The following CHD7 variants were observed in gnomAD, a reference collection of about 807,000 sequenced individuals.
CHD7 encodes the protein chromodomain helicase DNA binding protein 7.
CHD7 carries 24 observed loss-of-function variants against 307.3 expected under a neutral mutation model. That is an observed-to-expected ratio of 0.08 (90% confidence interval 0.06 to 0.11). The LOEUF (loss-of-function observed/expected upper bound fraction) is 0.11. CHD7 is among the 10% of genes least tolerant of loss of function. The pLI, the probability that CHD7 is intolerant of heterozygous loss-of-function variation, is 1.00. For synonymous variants in CHD7, 1,363 were observed against 1,349.9 expected, an observed-to-expected ratio of 1.01 and a Z score of -0.21; for missense variants, 3,106 against 3,727.1, an observed-to-expected ratio of 0.83 and a Z score of 4.34.
chr8:60,707,444 C>G (rs1475241786), intron 1 of CHD7, among the ~76,000 whole-genome samples: 1 of 151,408 alleles, frequency 6.6e-6, no homozygotes, highest in Non-Finnish European at 1.5e-5. Flanking sequence ...CACACGTGTT[C>G]CCTGTGAACC....
chr8:60,754,880 A>G (rs1809815579), intron 2 of CHD7, among the ~76,000 whole-genome samples: 1 of 152,216 alleles, frequency 6.6e-6, no homozygotes, highest in Non-Finnish European at 1.5e-5. Context: ...AGTTCTACAT[A>G]GAGAAAGTTC....
rs377081744 is a variant in CHD7, at chr8:60,689,952, C to T, written c.-175+10870C>T. 3.9e-5 allele frequency among the ~76,000 whole-genome samples: 6 copies of T among 152,252 alleles called. No individual in the cohort carries two copies. The South Asian group carries it at 1.0e-3, about 26-fold the overall frequency. On this transcript the variant is annotated intron_variant, in intron 1 of 37. Transcript: ENST00000423902. ...CGCTGCACAGGACTAGAGTTGCCTTCGAAAAAACTCAGGATACCACTTGGC... is the reference window on the plus strand; with the variant it reads ...CGCTGCACAGGACTAGAGTTGCCTTTGAAAAAACTCAGGATACCACTTGGC...
intron 7 of CHD7, among the ~76,000 whole-genome samples, chr8:60,809,103 C>A (rs1343551097): frequency 1.2e-4 from 18 of 152,180 alleles, no homozygotes; most frequent in Admixed American, 9.8e-4. Context: ...TTACCCCACC[C>A]TAGAAAATGA....
chr8:60,836,011 G>T, intron 15 of CHD7, 62 bp from the exon 16 acceptor site: 1 of 1,238,292 alleles, frequency 8.1e-7, no homozygotes, highest in South Asian at 1.3e-5. Context: ...GAAAGCAAGT[G>T]CATTGTTTTT....
In CHD7 at chr8:60,852,491, C is replaced by A; in HGVS notation, c.5895-7C>A. On this transcript the variant is annotated splice_polypyrimidine_tract_variant and splice_region_variant and intron_variant, in intron 29 of 37. Transcript: ENST00000423902. ...TATGATGCAAGCTAATATAATCTTT[C>A]TAACAGGTGGACAAGAAGAGAAGAG... is the stretch of plus-strand genomic sequence containing the variant. 1 of 1,610,288 alleles carries A rather than the reference C, an allele frequency of 6.2e-7. No individual in the cohort carries two copies. Among genetic ancestry groups the A allele is most frequent in the Non-Finnish European group, 8.5e-7 (1 of 1,177,136 alleles).
chr8:60,816,771 C>T (rs1254655969), intron 8 of CHD7, among the ~76,000 whole-genome samples: 2 of 152,112 alleles, frequency 1.3e-5, no homozygotes, highest in Admixed American at 1.3e-4. Flanking sequence ...GTACAGTTAG[C>T]AGATGATGAA....
chr8:60,750,419 T>A (rs1563569240), intron 2 of CHD7, among the ~76,000 whole-genome samples: 1 of 152,206 alleles, frequency 6.6e-6, no homozygotes, highest in Non-Finnish European at 1.5e-5. Context: ...GGAATTTTGT[T>A]ATTTAAGTAT....
chr8:60,721,533 G>C (rs1304855052), intron 1 of CHD7, among the ~76,000 whole-genome samples: 1 of 152,254 alleles, frequency 6.6e-6, no homozygotes. Context: ...CACAGTCCTG[G>C]TGGTTGAGTG....
At chr8:60,745,845 A>G (rs1809295157) in intron 2 of CHD7, among the ~76,000 whole-genome samples, 1 of 152,196 alleles carries the variant, frequency 6.6e-6, no homozygotes, top group African/African-American at 2.4e-5. Context: ...TTAGTTAAGC[A>G]GGAAAAATAG....
intron 4 of CHD7, among the ~76,000 whole-genome samples, chr8:60,799,839 G>A (rs1812209164): frequency 6.6e-6 from 1 of 152,134 alleles, no homozygotes; most frequent in African/African-American, 2.4e-5. Flanking sequence ...TTTCCCAGTT[G>A]AAGGACATGT....
At chr8:60,740,034 G>C (rs886988573) in intron 1 of CHD7, among the ~76,000 whole-genome samples, 1 of 152,092 alleles carries the variant, frequency 6.6e-6, no homozygotes, top group Non-Finnish European at 1.5e-5. Context: ...TCTTTATTAG[G>C]CCGTTGATTT....
chr8:60,792,960 G>C (rs1261698868), intron 3 of CHD7, among the ~76,000 whole-genome samples: 1 of 152,224 alleles, frequency 6.6e-6, no homozygotes, highest in Non-Finnish European at 1.5e-5. Context: ...TGCAGCGCAG[G>C]TGTTGAGAAT....
intron 4 of CHD7, among the ~76,000 whole-genome samples, chr8:60,799,306 T>C (rs1195998215): frequency 6.6e-6 from 1 of 152,216 alleles, no homozygotes; most frequent in Non-Finnish European, 1.5e-5. Context: ...TAAGTTTTGA[T>C]AGATAGGACC....
intron 18 of CHD7, 47 bp from the exon 19 acceptor site, chr8:60,838,029 C>G: frequency 7.2e-7 from 1 of 1,386,596 alleles, no homozygotes; most frequent in Non-Finnish European, 9.6e-7. Context: ...CTGCAAACCT[C>G]TTAATTTTAA....
chr8:60,850,869 C>T (rs1805421612), intron 26 of CHD7, 163 bp from the exon 27 acceptor site: 3 of 683,866 alleles, frequency 4.4e-6, no homozygotes, highest in Non-Finnish European at 7.4e-6. Context: ...CCCTCCACCA[C>T]ACTGCCATGG....
chr8:60,770,650 C>T (rs1810664190), intron 2 of CHD7, among the ~76,000 whole-genome samples: 1 of 152,134 alleles, frequency 6.6e-6, no homozygotes, highest in Admixed American at 6.5e-5. Context: ...CTTGAAAATG[C>T]AGAGGTTTTT....
chr8:60,765,204 T>TAC (rs71245521), intron 2 of CHD7, among the ~76,000 whole-genome samples: 21,782 of 149,964 alleles, frequency 0.15, 1,750 homozygotes, highest in Middle Eastern at 0.2. Flanking sequence ...GGGATATGCA[T>TAC]ACACACACAC....
chr8:60,693,793 A>G (rs1384749015), intron 1 of CHD7, among the ~76,000 whole-genome samples: 1 of 152,258 alleles, frequency 6.6e-6, no homozygotes, highest in East Asian at 1.9e-4. Context: ...TGTCAATAGT[A>G]TAATGTTATA....
intron 1 of CHD7, among the ~76,000 whole-genome samples, chr8:60,717,244 T>C (rs182580850): frequency 1.5e-4 from 23 of 152,340 alleles, no homozygotes; most frequent in African/African-American, 5.1e-4. Flanking sequence ...TTTGCTTCCT[T>C]GTAAATGAAA....
Sources: allele counts gnomAD v4.1 joint callset (sites outside exome capture counted in the v4.1 genomes callset), GRCh38; gene constraint gnomAD v4.1.1; transcripts MANE v1.5; gene names NCBI Gene and HGNC (gene_info 2026-07-23, HGNC 2026-07-21).